The following TENM1 variants were observed in gnomAD, a reference collection of about 807,000 sequenced individuals.
TENM1 encodes the protein teneurin-1.
Under a neutral mutation model 174.8 loss-of-function variants are expected in TENM1, and 35 were observed. The ratio of observed to expected loss-of-function variants is 0.20; its 90% CI spans 0.15 to 0.27. TENM1 has a LOEUF of 0.27. TENM1 is among the 10% of genes least tolerant of loss of function. The probability of loss-of-function intolerance (pLI) is 1.00; values close to 1 mark genes in which losing one functional copy is unlikely to be tolerated. For synonymous variants in TENM1, 781 were observed against 798.7 expected (o/e 0.98, Z 0.37); for missense variants, 1,633 against 2,130.1 (o/e 0.77, Z 4.59).
chrX:124,503,839 T>C (rs1280156235), intron 18 of TENM1, 136 bp from the exon 22 acceptor site: 1 of 582,205 alleles, frequency 1.7e-6, no homozygotes, highest in Non-Finnish European at 2.8e-6. Context: ...CAAATTTCTT[T>C]CACCTAGCAC....
chrX:125,115,950 A>G, the TENM1 span, among the ~76,000 whole-genome samples: 2 of 111,535 alleles, frequency 1.8e-5, no homozygotes, highest in African/African-American at 6.5e-5. Flanking sequence ...AATCCTAAGC[A>G]AAAAGAACAA....
chrX:124,490,824 G>T (rs2047050481), intron 20 of TENM1, among the ~76,000 whole-genome samples: 2 of 111,876 alleles, frequency 1.8e-5, no homozygotes, highest in Admixed American at 1.9e-4. Context: ...AAGATGAGAG[G>T]GGTACAGGGG....
chrX:124,453,369 G>T, exon 23 of TENM1: 1 of 1,210,047 alleles, frequency 8.3e-7, no homozygotes, highest in Non-Finnish European at 1.1e-6. Context: ...TCACAGCTCA[G>T]TGGTTGTGTG....
the TENM1 span, among the ~76,000 whole-genome samples, chrX:125,097,306 G>A: frequency 9.0e-6 from 1 of 111,392 alleles, no homozygotes; most frequent in South Asian, 3.8e-4. Flanking sequence ...AATTTTGTTG[G>A]CCTATCCCCT....
intron 12 of TENM1, among the ~76,000 whole-genome samples, chrX:124,564,942 C>A (rs772376868): frequency 1.3e-3 from 149 of 111,349 alleles, no homozygotes; most frequent in African/African-American, 3.4e-3. Context: ...CTAATGATAT[C>A]GAATGGCCCC....
At chrX:124,893,428 G>A (rs1292957122) in intron 3 of TENM1, among the ~76,000 whole-genome samples, 2 of 112,595 alleles carry the variant, frequency 1.8e-5, no homozygotes, top group Non-Finnish European at 3.8e-5. Flanking sequence ...AGGATGAAAT[G>A]GGATAAAGAT....
At chrX:124,530,081 G>T (rs1042768037) in intron 15 of TENM1, 98 bp from the exon 19 acceptor site, 1 of 965,559 alleles carries the variant, frequency 1.0e-6, no homozygotes, top group African/African-American at 2.0e-5. Flanking sequence ...GTATAACAAA[G>T]AAAACAATAA....
chrX:125,197,676 A>G, the TENM1 span, among the ~76,000 whole-genome samples: 1 of 112,069 alleles, frequency 8.9e-6, no homozygotes, highest in Admixed American at 9.5e-5. Flanking sequence ...TTCAACACTC[A>G]ACAACTGGAT....
At chrX:125,049,660 T>G in the TENM1 span, among the ~76,000 whole-genome samples, 1 of 112,002 alleles carries the variant, frequency 8.9e-6, no homozygotes, top group Non-Finnish European at 1.9e-5. Context: ...ACAAGCAATG[T>G]ATAAGTGTTT....
Position 124,702,085 on chromosome X carries a change from G to A in TENM1, c.1015+2928C>T, listed in dbSNP as rs772317206. On this transcript the variant is annotated intron_variant, in intron 5 of 31. Coordinates refer to ENST00000422452, the Ensembl canonical transcript of TENM1. ...ATTTTACTTGGGTTATACAGCAACT[G>A]CAAATGGGGATTGAAAAAAATGATG... Among the ~76,000 whole-genome samples the A allele has an allele frequency of 4.4e-4, 49 of 111,913 alleles. 1 individual carries two copies. The highest frequency in any genetic ancestry group is 1.6e-3 in the African/African-American group (49 of 30,857).
rs2051924216 is a variant in TENM1, at chrX:124,671,666, C to T, written c.1168+17G>A. On this transcript the variant is annotated intron_variant, in intron 6 of 31. Transcript: ENST00000422452. The stretch of plus-strand genomic sequence containing the variant: ...AGAAGAAAAGTAATCAACAATCAAT[C>T]ATTTTGATCACTGTACCTTTTTTCT... The T allele has an allele frequency of 8.4e-7, 1 of 1,192,714 alleles. No homozygotes were observed. The highest frequency in any genetic ancestry group is 1.1e-6 in the Non-Finnish European group (1 of 884,327).
chrX:124,432,598 G>A lies in TENM1; in HGVS notation c.4105-9960C>T, dbSNP rs767425188. On this transcript the variant is annotated intron_variant, in intron 23 of 31. Transcript: ENST00000422452. ...TATTTTTTTATTTTTATTTGTATTT[G>A]TATTTTTAGTAGAGATGGGGTTTCG... Among the ~76,000 whole-genome samples the A allele has an allele frequency of 4.7e-4, 52 of 111,338 alleles. 1 individual carries two copies. Among genetic ancestry groups the A allele is most frequent in the African/African-American group, 1.7e-3 (51 of 30,657 alleles).
intron 8 of TENM1, among the ~76,000 whole-genome samples, chrX:124,650,257 T>C (rs1410157991): frequency 9.4e-6 from 1 of 106,236 alleles, no homozygotes; most frequent in East Asian, 2.9e-4. Context: ...GTGAATGACT[T>C]ACAAGCCTTT....
chrX:124,782,822 A>C (rs1433181803), intron 3 of TENM1, among the ~76,000 whole-genome samples: 2 of 111,534 alleles, frequency 1.8e-5, no homozygotes, highest in Non-Finnish European at 3.8e-5. Context: ...GATACTAAAA[A>C]ATGTAGGTCA....
intron 5 of TENM1, among the ~76,000 whole-genome samples, chrX:124,699,452 T>A (rs768991727): frequency 9.0e-6 from 1 of 111,090 alleles, no homozygotes; most frequent in Non-Finnish European, 1.9e-5. Flanking sequence ...GAGACAATAA[T>A]CTCTTGATGC....
At chrX:125,099,120 T>C in the TENM1 span, among the ~76,000 whole-genome samples, 1 of 112,351 alleles carries the variant, frequency 8.9e-6, no homozygotes, top group African/African-American at 3.2e-5. Context: ...ATTTAATAAG[T>C]GTTAAGAGGT....
intron 11 of TENM1, among the ~76,000 whole-genome samples, chrX:124,609,153 G>A (rs2148300643): frequency 9.0e-6 from 1 of 111,484 alleles, no homozygotes; most frequent in African/African-American, 3.3e-5. Context: ...GGGGGTTTTT[G>A]AATAGTAGAA....
chrX:125,043,406 T>A, the TENM1 span, among the ~76,000 whole-genome samples: 1 of 81,942 alleles, frequency 1.2e-5, no homozygotes, highest in East Asian at 4.0e-4. Flanking sequence ...AAAAAACACA[T>A]GAAAAAATGC....
the TENM1 span, among the ~76,000 whole-genome samples, chrX:125,160,642 G>C: frequency 9.4e-6 from 1 of 106,482 alleles, no homozygotes; most frequent in Non-Finnish European, 1.9e-5. Context: ...CCACACAACA[G>C]TTCTATGGCA....
Sources: gnomAD v4.1 joint callset for allele counts (sites outside exome capture counted in the v4.1 genomes callset) on GRCh38, gnomAD v4.1.1 for gene constraint, MANE v1.5 for transcripts, NCBI Gene and HGNC (gene_info 2026-07-23, HGNC 2026-07-21) for gene names.